CES5A: variants seen among roughly 807,000 people sequenced by gnomAD.
CES5A encodes the protein carboxylesterase 5.
In CES5A, 67 loss-of-function variants were observed where a neutral mutation model predicts 62.9. The ratio of observed to expected loss-of-function variants is 1.07; its 90% CI spans 0.88 to 1.31. The LOEUF is 1.31. Ranked by LOEUF, CES5A falls within the 50% of genes most tolerant of loss-of-function variation. The pLI is 0.00. For synonymous variants in CES5A, 296 were observed against 280.8 expected, an observed-to-expected ratio of 1.05 and a Z score of -0.54; for missense variants, 748 against 708.5, an observed-to-expected ratio of 1.06 and a Z score of -0.63.
At chr16:55,949,398 C>T (rs1159466938) in intron 2 of CES5A, among the ~76,000 whole-genome samples, 1 of 152,194 alleles carries the variant, frequency 6.6e-6, no homozygotes, top group African/African-American at 2.4e-5. Context: ...CTGAGGCAAT[C>T]CCCAAAGGGG....
chr16:55,880,047 G>A (rs1453845716), upstream of CES5A, among the ~76,000 whole-genome samples: 2 of 152,242 alleles, frequency 1.3e-5, no homozygotes, highest in East Asian at 1.9e-4. Context: ...ACAATACCCT[G>A]CCCTTGTTCT....
upstream of CES5A, among the ~76,000 whole-genome samples, chr16:55,930,039 A>T (rs28496403): frequency 3.8e-3 from 572 of 152,206 alleles, 5 homozygotes; most frequent in African/African-American, 0.013. Context: ...TTCGTGGTTG[A>T]TTGGATCCCT....
At chr16:55,876,772 C>G (rs1485056554), upstream of CES5A, among the ~76,000 whole-genome samples, 5 of 152,194 alleles carry the variant, frequency 3.3e-5, no homozygotes, top group African/African-American at 4.8e-5. Context: ...TCCTATTTCC[C>G]TTGGATCCCA....
chr16:55,894,969 G>C (rs2033917109), intron 1 of CES5A, among the ~76,000 whole-genome samples: 3 of 152,206 alleles, frequency 2.0e-5, no homozygotes. Context: ...TAAGAGCTTT[G>C]AAAGTTCTCA....
chr16:55,883,271 T>C (rs2033780867), intron 1 of CES5A, among the ~76,000 whole-genome samples: 5 of 151,898 alleles, frequency 3.3e-5, no homozygotes, highest in Admixed American at 2.0e-4. Flanking sequence ...TTGTTTTTTG[T>C]TTTGTTTTGT....
At chr16:55,915,623 G>A (rs1291069010) in intron 1 of CES5A, among the ~76,000 whole-genome samples, 4 of 152,092 alleles carry the variant, frequency 2.6e-5, no homozygotes, top group Non-Finnish European at 5.9e-5. Flanking sequence ...TTTAAGCTCC[G>A]CTAGAGGCCA....
chr16:55,864,246 A>G (rs1273476939), intron 5 of CES5A, among the ~76,000 whole-genome samples: 2 of 152,188 alleles, frequency 1.3e-5, no homozygotes, highest in Non-Finnish European at 2.9e-5. Flanking sequence ...CCACCTTAGA[A>G]GGTAATTTTG....
upstream of CES5A, among the ~76,000 whole-genome samples, chr16:55,878,654 C>T (rs1194067049): frequency 2.2e-5 from 3 of 139,298 alleles, no homozygotes; most frequent in African/African-American, 5.4e-5. Flanking sequence ...CAGCCCATTG[C>T]TGCACCTCAT....
intron 1 of CES5A, among the ~76,000 whole-genome samples, chr16:55,896,561 G>A (rs1439178487): frequency 6.6e-6 from 1 of 152,180 alleles, no homozygotes; most frequent in Non-Finnish European, 1.5e-5. Context: ...TTCTGTTACA[G>A]CAACACTAAA....
chr16:55,879,753 G>A (rs1441833660), upstream of CES5A, among the ~76,000 whole-genome samples: 5 of 152,054 alleles, frequency 3.3e-5, no homozygotes, highest in African/African-American at 9.7e-5. Flanking sequence ...ACCACACCTG[G>A]CTAATTTTTT....
chr16:55,870,115 C>A (rs1301674655), intron 3 of CES5A, among the ~76,000 whole-genome samples: 1 of 152,210 alleles, frequency 6.6e-6, no homozygotes, highest in Admixed American at 6.5e-5. Context: ...TTTCAAGTTT[C>A]AAGTGCTCAG....
chr16:55,904,637 G>T (rs2034021480), intron 1 of CES5A, among the ~76,000 whole-genome samples: 1 of 152,084 alleles, frequency 6.6e-6, no homozygotes, highest in Non-Finnish European at 1.5e-5. Context: ...ATTTCAAATG[G>T]GAAGTTTTTA....
intron 1 of CES5A, among the ~76,000 whole-genome samples, chr16:55,951,598 T>C (rs565228857): frequency 5.9e-4 from 90 of 152,184 alleles, no homozygotes; most frequent in African/African-American, 2.1e-3. Flanking sequence ...AATAGAATAC[T>C]GGAAATAGCT....
chr16:55,930,954 T>C (rs1466100170), intron 2 of CES5A, among the ~76,000 whole-genome samples: 1 of 152,186 alleles, frequency 6.6e-6, no homozygotes, highest in Non-Finnish European at 1.5e-5. Context: ...TACTTCAAGA[T>C]CATGGTGCCT....
intron 2 of CES5A, among the ~76,000 whole-genome samples, chr16:55,939,363 C>A (rs1209484201): frequency 6.6e-6 from 1 of 152,036 alleles, no homozygotes; most frequent in Non-Finnish European, 1.5e-5. Flanking sequence ...GGGTAGTTCC[C>A]CAAAGAAAAA....
rs764848434 is a variant in CES5A, at chr16:55,873,943, C to G, written c.168G>C (p.Val56=). ...GAGCAGCAAAGGGGACTCCGAGGAA[C>G]ACGTTCACAGGCACAGGGCTTCCCA... The part of the protein sequence containing the change: ...TVLGSPVPVN[V]FLGVPFAAPP... Residue 56 remains valine (V), a synonymous_variant, in exon 2 of 13, where the codon GTG becomes GTC. Transcript: ENST00000290567. The G allele has an allele frequency of 1.2e-6, 2 of 1,613,800 alleles. No individual in the cohort carries two copies. Among genetic ancestry groups the G allele is most frequent in the East Asian group, 4.5e-5 (2 of 44,864 alleles).
At chr16:55,923,517 C>G (rs1235158076) in intron 1 of CES5A, among the ~76,000 whole-genome samples, 1 of 151,678 alleles carries the variant, frequency 6.6e-6, no homozygotes, top group Non-Finnish European at 1.5e-5. Flanking sequence ...GAGATCAAAG[C>G]CATAATAAAA....
At chr16:55,866,657 C>CAAAAAAAAA (rs1567330836) in intron 4 of CES5A, among the ~76,000 whole-genome samples, 1 of 69,522 alleles carries the variant, frequency 1.4e-5, no homozygotes, top group Admixed American at 1.2e-4. Context: ...TCTGTCTCTG[C>CAAAAAAAAA]TAAAAAAAAA....
At chr16:55,850,251 AT>A (rs2033103192) in intron 10 of CES5A, among the ~76,000 whole-genome samples, 1 of 152,204 alleles carries the variant, frequency 6.6e-6, no homozygotes, top group African/African-American at 2.4e-5. Flanking sequence ...CCCTTGAACC[AT>A]TTTAAAGTAT....
Sources: allele counts gnomAD v4.1 joint callset (sites outside exome capture counted in the v4.1 genomes callset), GRCh38; gene constraint gnomAD v4.1.1; transcripts MANE v1.5; gene names NCBI Gene and HGNC (gene_info 2026-07-23, HGNC 2026-07-21).